The following LSM12 variants were observed in gnomAD, a reference collection of about 807,000 sequenced individuals.
LSM12 encodes the protein protein LSM12.
For missense variants in LSM12, 108 were observed against 238.9 expected (o/e 0.45, Z 3.61); for synonymous variants, 74 against 87.3 (o/e 0.85, Z 0.85).
At chr17:44,058,178 A>C (rs972279328) in intron 2 of LSM12, among the ~76,000 whole-genome samples, 1 of 151,778 alleles carries the variant, frequency 6.6e-6, no homozygotes, top group African/African-American at 2.4e-5. Flanking sequence ...CGGAGCTTGC[A>C]GTGAGCCGAG....
intron 2 of LSM12, among the ~76,000 whole-genome samples, chr17:44,063,068 C>CA (rs985865281): frequency 5.3e-5 from 8 of 150,544 alleles, no homozygotes; most frequent in African/African-American, 7.3e-5. Context: ...GACTCTGTCT[C>CA]AAAAAAAACG....
intron 2 of LSM12, among the ~76,000 whole-genome samples, chr17:44,057,049 G>C (rs1209091631): frequency 2.6e-5 from 4 of 151,736 alleles, no homozygotes; most frequent in African/African-American, 7.3e-5. Context: ...CCAGCTACTC[G>C]GGAGGCTGAG....
At chr17:44,037,647 A>G (rs1175809192) in intron 3 of LSM12, 109 bp from the exon 4 acceptor site, 1 of 1,336,008 alleles carries the variant, frequency 7.5e-7, no homozygotes, top group African/African-American at 1.5e-5. Flanking sequence ...CCAGCTCACC[A>G]CTCAGCCAAC....
chr17:44,054,323 T>C (rs983703503), intron 2 of LSM12, among the ~76,000 whole-genome samples: 1 of 152,154 alleles, frequency 6.6e-6, no homozygotes, highest in African/African-American at 2.4e-5. Flanking sequence ...TTTGTTGTTG[T>C]TGTTTTTAGA....
At chr17:44,053,239 T>C (rs541003342) in intron 2 of LSM12, among the ~76,000 whole-genome samples, 29 of 152,290 alleles carry the variant, frequency 1.9e-4, no homozygotes, top group African/African-American at 6.7e-4. Flanking sequence ...CTTAGATAAG[T>C]TTCATTGGAA....
chr17:44,045,497 G>A (rs901759651), intron 2 of LSM12, among the ~76,000 whole-genome samples: 9 of 152,148 alleles, frequency 5.9e-5, no homozygotes, highest in Non-Finnish European at 1.0e-4. Context: ...CCACTATGAG[G>A]ATACAGTTCT....
intron 1 of LSM12, 122 bp from the exon 2 acceptor site, chr17:44,064,056 G>T: frequency 9.5e-7 from 1 of 1,055,942 alleles, no homozygotes; most frequent in African/African-American, 1.6e-5. Flanking sequence ...GAGCATGAGG[G>T]CCTTATAAGA....
chr17:44,058,776 G>A (rs2049756075), intron 2 of LSM12, among the ~76,000 whole-genome samples: 1 of 152,078 alleles, frequency 6.6e-6, no homozygotes, highest in Admixed American at 6.6e-5. Flanking sequence ...AGGTTGCAGT[G>A]AGCCGAGATC....
upstream of LSM12, among the ~76,000 whole-genome samples, chr17:44,067,132 TCTA>T (rs1269511715): frequency 6.6e-6 from 1 of 152,112 alleles, no homozygotes; most frequent in Non-Finnish European, 1.5e-5. Flanking sequence ...AAACCCCGTC[TCTA>T]CTAAAAATAC....
upstream of LSM12, chr17:44,066,788 T>C: frequency 1.8e-6 from 1 of 564,494 alleles, no homozygotes; most frequent in Non-Finnish European, 2.5e-6. Context: ...AGTATTTGTA[T>C]AGCTGCGTCC....
rs778506707 is a variant in LSM12, at chr17:44,037,560, C to T, written c.369-22G>A. On this transcript the variant is annotated intron_variant, in intron 3 of 4. Transcript: ENST00000293406. ...AATGCTGGAAGGAGAAGACAGCAGG[C>T]GAAATGTAACCTCTTGGGGGCATCC... The T allele has an allele frequency of 1.0e-5, 16 of 1,593,900 alleles. No homozygotes were observed. The Admixed American group carries it at 1.6e-4, about 16-fold the overall frequency.
At chr17:44,044,412 G>A (rs1160244903) in intron 2 of LSM12, among the ~76,000 whole-genome samples, 1 of 151,998 alleles carries the variant, frequency 6.6e-6, no homozygotes, top group African/African-American at 2.4e-5. Context: ...AAGGAGAATG[G>A]ACTAGACAAT....
chr17:44,037,475 G>A lies in LSM12; in HGVS notation c.432C>T (p.Pro144=), dbSNP rs184059566. Reference sequence around the variant, plus strand: ...CTTTACAGTTTTCCACTTGATATGGGGGTGTAATAACAACTTCTTCCATGA... The same window carrying A: ...CTTTACAGTTTTCCACTTGATATGGAGGTGTAATAACAACTTCTTCCATGA... The part of the protein sequence containing the change: ...IVVMEEVVIT[P]PYQVENCKGK... Residue 144 remains proline (P), a synonymous_variant, in exon 4 of 5, where the codon CCC becomes CCT. Coordinates refer to ENST00000293406, the MANE Select transcript of LSM12 (RefSeq NM_001371445.1). The A allele has an allele frequency of 1.2e-6, 2 of 1,611,134 alleles. No homozygotes were observed. The highest frequency in any genetic ancestry group is 3.4e-5 in the Admixed American group (2 of 59,394).
At chr17:44,042,721 C>A (rs183842157) in intron 2 of LSM12, among the ~76,000 whole-genome samples, 9 of 152,160 alleles carry the variant, frequency 5.9e-5, no homozygotes, top group Non-Finnish European at 7.3e-5. Context: ...CCTGCCACCA[C>A]GCCCAGCTAA....
chr17:44,039,760 T>G (rs2049464445), intron 3 of LSM12, among the ~76,000 whole-genome samples: 3 of 152,160 alleles, frequency 2.0e-5, no homozygotes, highest in Admixed American at 1.3e-4. Context: ...ATGGGAAAAG[T>G]GATATAGATA....
intron 2 of LSM12, among the ~76,000 whole-genome samples, chr17:44,056,057 C>T (rs989321650): frequency 2.0e-5 from 3 of 151,178 alleles, no homozygotes; most frequent in South Asian, 2.1e-4. Context: ...CACCTGAGGT[C>T]GGGAGTTCAA....
intron 2 of LSM12, among the ~76,000 whole-genome samples, chr17:44,060,114 G>A (rs957157657): frequency 4.6e-5 from 7 of 152,136 alleles, no homozygotes; most frequent in Non-Finnish European, 1.0e-4. Flanking sequence ...GCAGTGAGCC[G>A]AGATGGCGCC....
rs971642524 is a variant in LSM12, at chr17:44,054,837, CT to C, written c.258+8963del. On this transcript the variant is annotated intron_variant, in intron 2 of 4. Transcript: ENST00000293406. Reference sequence around the variant, plus strand: ...GCGGCCTTGGCGACGTTTTCTTTTTCTTTTTTTTTTTTTAATTTTGAGACAG... The same window carrying C: ...GCGGCCTTGGCGACGTTTTCTTTTTCTTTTTTTTTTTTAATTTTGAGACAG... 5.0e-3 allele frequency among the ~76,000 whole-genome samples: 705 copies of C among 142,162 alleles called. 2 individuals carry two copies. The highest frequency in any genetic ancestry group is 8.5e-3 in the African/African-American group (330 of 38,988). The allele number at this position is 142,162 out of a possible 152,430, so 93.3% of individuals were successfully genotyped here.
intron 2 of LSM12, 89 bp downstream of exon 2, chr17:44,063,712 A>G: frequency 1.5e-6 from 2 of 1,356,378 alleles, no homozygotes; most frequent in Non-Finnish European, 1.9e-6. Context: ...TTTAAAAAAT[A>G]AAAAATAGAC....
Sources: gnomAD v4.1 joint callset for allele counts (sites outside exome capture counted in the v4.1 genomes callset) on GRCh38, gnomAD v4.1.1 for gene constraint, MANE v1.5 for transcripts, NCBI Gene and HGNC (gene_info 2026-07-23, HGNC 2026-07-21) for gene names.